CATSPERE: variants seen among roughly 807,000 people sequenced by gnomAD.
CATSPERE encodes cation channel sperm-associated auxiliary subunit epsilon.
Under a neutral mutation model 114.1 loss-of-function variants are expected in CATSPERE, and 93 were observed. That is an observed-to-expected ratio of 0.81 (90% confidence interval 0.69 to 0.97). The LOEUF is 0.97. CATSPERE is among the 50% of genes least tolerant of loss of function. The pLI is 0.00. For synonymous variants in CATSPERE, 341 were observed against 384.1 expected (o/e 0.89, Z 1.31); for missense variants, 1,058 against 1,131.6 (o/e 0.93, Z 0.93).
chr1:244,505,847 A>C (rs1674739123), intron 7 of CATSPERE, among the ~76,000 whole-genome samples: 2 of 152,106 alleles, frequency 1.3e-5, no homozygotes, highest in South Asian at 4.1e-4. Context: ...TCTACTAAAA[A>C]TACAAAAAAT....
At chr1:244,451,799 A>T (rs765386619), upstream of CATSPERE, 9 of 1,592,516 alleles carry the variant, frequency 5.7e-6, no homozygotes, top group Non-Finnish European at 7.7e-6. The surrounding 1 kb of genome is among the most constrained non-coding windows in gnomAD (Gnocchi z 6.6). Flanking sequence ...GCCGCCGGGT[A>T]GGTCTCGGCG....
intron 2 of CATSPERE, among the ~76,000 whole-genome samples, chr1:244,469,067 C>T (rs1487904514): frequency 6.6e-6 from 1 of 152,190 alleles, no homozygotes; most frequent in Non-Finnish European, 1.5e-5. Flanking sequence ...TACCAAGTCA[C>T]TTAAACATGA....
At chr1:244,468,301 C>G (rs1357625444) in intron 2 of CATSPERE, among the ~76,000 whole-genome samples, 1 of 151,972 alleles carries the variant, frequency 6.6e-6, no homozygotes, top group Non-Finnish European at 1.5e-5. Context: ...ACCATGTTAG[C>G]CAGGATGGTC....
intron 7 of CATSPERE, among the ~76,000 whole-genome samples, chr1:244,506,470 C>T (rs1264142294): frequency 6.6e-6 from 1 of 152,202 alleles, no homozygotes; most frequent in African/African-American, 2.4e-5. Flanking sequence ...GAAACTGCCA[C>T]ACCATTTTCC....
intron 8 of CATSPERE, among the ~76,000 whole-genome samples, chr1:244,543,284 G>A (rs6666854): frequency 0.86 from 130,796 of 151,574 alleles, 57,611 homozygotes; most frequent in East Asian, 1. Flanking sequence ...TATACACACA[G>A]TGGAATACTA....
intron 14 of CATSPERE, among the ~76,000 whole-genome samples, chr1:244,590,188 A>G (rs983102838): frequency 4.6e-5 from 7 of 152,202 alleles, no homozygotes; most frequent in African/African-American, 1.7e-4. Flanking sequence ...AATTTACCTA[A>G]CTAAAAACTC....
At chr1:244,587,854 A>T (rs753369292) in intron 13 of CATSPERE, among the ~76,000 whole-genome samples, 2 of 152,196 alleles carry the variant, frequency 1.3e-5, no homozygotes, top group Non-Finnish European at 2.9e-5. Flanking sequence ...CAGAGGTGCA[A>T]ACTGGAAGTA....
intron 2 of CATSPERE, among the ~76,000 whole-genome samples, 178 bp from the exon 3 acceptor site, chr1:244,477,363 C>G (rs1669540269): frequency 6.6e-6 from 1 of 152,002 alleles, no homozygotes; most frequent in Non-Finnish European, 1.5e-5. Context: ...CTTAAGTGTC[C>G]CAGATGGGTT....
At chr1:244,572,897 T>TTAATAAATAATAAATAAA in intron 11 of CATSPERE, 125 bp downstream of exon 11, 14 of 695,914 alleles carry the variant, frequency 2.0e-5, no homozygotes, top group Non-Finnish European at 2.8e-5. Context: ...GTCTGAGTTT[T>TTAATAAATAATAAATAAA]TAATAAATAA....
In CATSPERE at chr1:244,461,380, G is replaced by C. The variant is rs1286361209; in HGVS notation, c.-50G>C. 3.1e-6 allele frequency: 4 copies of C among 1,308,472 alleles called. No individual in the cohort carries two copies. In the East Asian group the frequency reaches 1.2e-4, roughly 40 times the overall value. 81.1% of individuals were successfully genotyped at this position (1,308,472 alleles called of 1,614,324 possible). On this transcript the variant is annotated 5_prime_UTR_variant, in exon 1 of 22. Transcript: ENST00000366534. Reference sequence around the variant, plus strand: ...GCCGACGTCCCACGGGAATGCGCGAGGCCTGGACGGGAGTGGCCGAGGCGG... The same window carrying C: ...GCCGACGTCCCACGGGAATGCGCGACGCCTGGACGGGAGTGGCCGAGGCGG...
intron 8 of CATSPERE, among the ~76,000 whole-genome samples, chr1:244,522,091 G>C (rs576843402): frequency 1.8e-4 from 28 of 152,102 alleles, no homozygotes; most frequent in South Asian, 8.3e-4. Context: ...GGAAGTAAAG[G>C]TCTCCTCAGC....
intron 19 of CATSPERE, among the ~76,000 whole-genome samples, chr1:244,616,267 T>G (rs1671387078): frequency 6.6e-6 from 1 of 152,216 alleles, no homozygotes; most frequent in Non-Finnish European, 1.5e-5. Context: ...TGATAACATT[T>G]TTGTCCATAG....
intron 15 of CATSPERE, among the ~76,000 whole-genome samples, chr1:244,592,043 T>G (rs1456451602): frequency 6.6e-6 from 1 of 152,190 alleles, no homozygotes; most frequent in Non-Finnish European, 1.5e-5. Flanking sequence ...CTTACATAAT[T>G]TTTCTCAAAT....
chr1:244,543,717 C>T (rs1180497368), intron 8 of CATSPERE, among the ~76,000 whole-genome samples: 1 of 149,282 alleles, frequency 6.7e-6, no homozygotes, highest in Non-Finnish European at 1.5e-5. Flanking sequence ...GCATTCAGCC[C>T]TTTTTTCCAG....
rs11342555 is a variant in CATSPERE, at chr1:244,583,201, GT to G, written c.2010-660del. Among the ~76,000 whole-genome samples the G allele has an allele frequency of 9.9e-3, 1,499 of 151,868 alleles. 5 individuals are homozygous for G. The highest frequency in any genetic ancestry group is 0.017 in the Non-Finnish European group (1,163 of 67,938). On this transcript the variant is annotated intron_variant, in intron 12 of 21. Transcript: ENST00000366534. ...ATTGCCAAGGACACTTTTTATGTTT[GT>G]TTGTCCTCATTTTTTTTTGACAAAA...
intron 6 of CATSPERE, among the ~76,000 whole-genome samples, chr1:244,495,723 A>AAAT (rs938873372): frequency 3.3e-5 from 5 of 152,068 alleles, no homozygotes; most frequent in South Asian, 4.1e-4. Context: ...CCATCTTAAA[A>AAAT]AATAATAATA....
chr1:244,521,679 A>T (rs1234627802), intron 8 of CATSPERE, among the ~76,000 whole-genome samples: 2 of 152,222 alleles, frequency 1.3e-5, no homozygotes, highest in Non-Finnish European at 2.9e-5. Flanking sequence ...AAAAATTAGA[A>T]ATATAGAATA....
Position 244,485,218 on chromosome 1 carries a change from G to T in CATSPERE, c.327-5229G>T, listed in dbSNP as rs188369182. On this transcript the variant is annotated intron_variant, in intron 5 of 21. Coordinates refer to ENST00000366534, the MANE Select transcript of CATSPERE (RefSeq NM_001130957.2). ...TTTTTTTGAGACAGAGTCTCACTCT[G>T]TTGCCCAGGCTGGAGAAAGGTGGCA... Among the ~76,000 whole-genome samples the T allele has an allele frequency of 2.6e-3, 394 of 150,260 alleles. 3 individuals carry two copies. Among genetic ancestry groups the T allele is most frequent in the African/African-American group, 9.1e-3 (372 of 40,824 alleles).
intron 8 of CATSPERE, among the ~76,000 whole-genome samples, chr1:244,544,866 GATC>G (rs1659471291): frequency 6.6e-6 from 1 of 152,176 alleles, no homozygotes; most frequent in South Asian, 2.1e-4. Context: ...TGCAGTTATT[GATC>G]TGGCAAATGC....
Sources: gnomAD v4.1 joint callset for allele counts (sites outside exome capture counted in the v4.1 genomes callset) on GRCh38, gnomAD v4.1.1 for gene constraint, Gnocchi (gnomAD v3.1) non-coding constraint, MANE v1.5 for transcripts, NCBI Gene and HGNC (gene_info 2026-07-23, HGNC 2026-07-21) for gene names.